The following CDC14A variants were observed in gnomAD, a reference collection of about 807,000 sequenced individuals.
CDC14A encodes cell division cycle 14A, also known as dual specificity protein phosphatase CDC14A.
Under a neutral mutation model 74.4 loss-of-function variants are expected in CDC14A, and 53 were observed. That is an observed-to-expected ratio of 0.71 (90% CI 0.57 to 0.89). The LOEUF (loss-of-function observed/expected upper bound fraction) is 0.89. CDC14A is among the 40% of genes least tolerant of loss of function. The pLI is 0.00. For missense variants in CDC14A, 646 were observed against 713.7 expected (o/e 0.91, Z 1.08); for synonymous variants, 247 against 258.4 (o/e 0.96, Z 0.43).
chr1:100,353,881 T>G (rs559383181), intron 2 of CDC14A, 29 bp downstream of exon 2: 4 of 1,341,808 alleles, frequency 3.0e-6, no homozygotes, highest in Non-Finnish European at 4.2e-6. Context: ...TTTTTTTCTC[T>G]TGGCCATTCA....
At chr1:100,512,190 A>C (rs1173603311) in intron 15 of CDC14A, among the ~76,000 whole-genome samples, 5 of 152,002 alleles carry the variant, frequency 3.3e-5, no homozygotes, top group Admixed American at 3.3e-4. Context: ...AGGAGCGCTG[A>C]CACTCTCATA....
chr1:100,382,517 C>T (rs1467831686), intron 3 of CDC14A, among the ~76,000 whole-genome samples: 1 of 151,040 alleles, frequency 6.6e-6, no homozygotes, highest in Non-Finnish European at 1.5e-5. Context: ...GGATTACAGG[C>T]ATGAGCCACT....
At chr1:100,383,900 T>C (rs1281313061) in intron 3 of CDC14A, among the ~76,000 whole-genome samples, 1 of 152,220 alleles carries the variant, frequency 6.6e-6, no homozygotes, top group Non-Finnish European at 1.5e-5. Flanking sequence ...AACTCTTTTT[T>C]TTTTTTGGCT....
intron 5 of CDC14A, among the ~76,000 whole-genome samples, chr1:100,430,510 A>T (rs1402433243): frequency 6.6e-6 from 1 of 152,232 alleles, no homozygotes. Context: ...TCTTCTGGGC[A>T]TGCCAGAACT....
intron 15 of CDC14A, 41 bp from the exon 16 acceptor site, chr1:100,518,210 G>C: frequency 2.6e-6 from 4 of 1,545,624 alleles, no homozygotes; most frequent in Non-Finnish European, 3.6e-6. Flanking sequence ...AGTTTTACAT[G>C]TGATGGAATT....
chr1:100,436,493 T>C (rs2101114683), intron 5 of CDC14A, among the ~76,000 whole-genome samples: 1 of 152,136 alleles, frequency 6.6e-6, no homozygotes, highest in East Asian at 1.9e-4. Context: ...GGCACAATCT[T>C]GGCTCACTGC....
At chr1:100,441,678 A>G (rs1664949587) in intron 6 of CDC14A, among the ~76,000 whole-genome samples, 1 of 150,650 alleles carries the variant, frequency 6.6e-6, no homozygotes, top group Admixed American at 6.6e-5. Context: ...GAATGGACTA[A>G]TTTAAATAAT....
rs1381110068 is a variant in CDC14A, at chr1:100,353,869, T to C, written c.140+17T>C. ...CTATGAAAAGTAAGTTTATGTTTTG[T>C]TTTTTTTTCTCTTGGCCATTCAGCT... On this transcript the variant is annotated intron_variant, in intron 2 of 15. Transcript: ENST00000336454. The C allele has an allele frequency of 2.7e-6, 4 of 1,480,496 alleles. No homozygotes were observed. The highest frequency in any genetic ancestry group is 1.4e-5 in the African/African-American group (1 of 72,098). 91.7% of individuals were successfully genotyped at this position (1,480,496 alleles called of 1,614,324 possible).
chr1:100,361,048 G>A (rs556285462), intron 2 of CDC14A, among the ~76,000 whole-genome samples: 1 of 151,130 alleles, frequency 6.6e-6, no homozygotes, highest in South Asian at 2.1e-4. Context: ...ACATTCCCAA[G>A]CCAGAAGTAA....
chr1:100,359,722 TATG>T (rs1437196001), intron 2 of CDC14A, among the ~76,000 whole-genome samples: 1 of 151,984 alleles, frequency 6.6e-6, no homozygotes, highest in Non-Finnish European at 1.5e-5. Context: ...TTTATAAGCC[TATG>T]ATAACTGCTT....
intron 15 of CDC14A, among the ~76,000 whole-genome samples, chr1:100,510,633 T>C (rs1420839366): frequency 6.6e-6 from 1 of 152,232 alleles, no homozygotes; most frequent in East Asian, 1.9e-4. Context: ...TCACTGCTAC[T>C]TGGACATTCT....
At chr1:100,449,999 C>T (rs1362584647) in intron 7 of CDC14A, among the ~76,000 whole-genome samples, 1 of 149,888 alleles carries the variant, frequency 6.7e-6, no homozygotes, top group East Asian at 1.9e-4. Flanking sequence ...ATCTATGCTG[C>T]AAGAGTGAGG....
intron 7 of CDC14A, among the ~76,000 whole-genome samples, chr1:100,450,712 G>C (rs1274130600): frequency 6.6e-6 from 1 of 152,110 alleles, no homozygotes; most frequent in Non-Finnish European, 1.5e-5. Flanking sequence ...GCTCACGTTG[G>C]TTAAGTCTAT....
intron 15 of CDC14A, among the ~76,000 whole-genome samples, chr1:100,504,325 C>A (rs1035498002): frequency 6.6e-6 from 1 of 152,128 alleles, no homozygotes; most frequent in Non-Finnish European, 1.5e-5. Context: ...GCCATTGTCT[C>A]TTGGAATTTT....
At chr1:100,494,040 G>A (rs1647403526) in intron 11 of CDC14A, among the ~76,000 whole-genome samples, 1 of 152,138 alleles carries the variant, frequency 6.6e-6, no homozygotes, top group African/African-American at 2.4e-5. Context: ...AGTGTGCTAT[G>A]GCATATATTT....
chr1:100,401,228 A>G (rs1659217749), intron 4 of CDC14A, among the ~76,000 whole-genome samples: 2 of 152,168 alleles, frequency 1.3e-5, no homozygotes, highest in Non-Finnish European at 2.9e-5. Flanking sequence ...TTACCAGTTT[A>G]TTATCTCTCC....
chr1:100,369,163 G>A (rs1196126645), intron 2 of CDC14A, among the ~76,000 whole-genome samples: 3 of 150,208 alleles, frequency 2.0e-5, no homozygotes, highest in East Asian at 2.0e-4. Context: ...TGCAACCTCC[G>A]CCTCCTGGGT....
chr1:100,408,186 C>G (rs528042492), intron 4 of CDC14A, among the ~76,000 whole-genome samples: 1 of 152,148 alleles, frequency 6.6e-6, no homozygotes, highest in Non-Finnish European at 1.5e-5. Flanking sequence ...TCTGTTCCTG[C>G]AATAGTTTGC....
At chr1:100,377,831 A>C (rs1655498280) in intron 3 of CDC14A, among the ~76,000 whole-genome samples, 1 of 152,216 alleles carries the variant, frequency 6.6e-6, no homozygotes, top group South Asian at 2.1e-4. Flanking sequence ...ATGAATTGCA[A>C]TATGAGCTGA....
Sources: allele counts gnomAD v4.1 joint callset (sites outside exome capture counted in the v4.1 genomes callset), GRCh38; gene constraint gnomAD v4.1.1; transcripts MANE v1.5; gene names NCBI Gene and HGNC (gene_info 2026-07-23, HGNC 2026-07-21).